FBXL17: variants seen among roughly 807,000 people sequenced by gnomAD.
FBXL17 encodes the protein F-box and leucine rich repeat protein 17, also known as F-box/LRR-repeat protein 17.
Under a neutral mutation model 66.2 loss-of-function variants are expected in FBXL17, and 22 were observed. That is an observed-to-expected ratio of 0.33 (90% CI 0.24 to 0.47). FBXL17 has a LOEUF of 0.47. Among genes scored for constraint, FBXL17 ranks in the 20% least tolerant of loss-of-function variants. FBXL17 has a pLI of 1.00. For synonymous variants in FBXL17, 474 were observed against 400.5 expected (o/e 1.18, Z -2.19); for missense variants, 878 against 948.2 (o/e 0.93, Z 0.97).
intron 4 of FBXL17, among the ~76,000 whole-genome samples, chr5:108,253,735 A>G (rs1490006343): frequency 2.0e-5 from 3 of 152,134 alleles, no homozygotes; most frequent in Non-Finnish European, 2.9e-5. Context: ...GCCTATACCT[A>G]TAATCATAGC....
intron 7 of FBXL17, among the ~76,000 whole-genome samples, chr5:107,972,363 T>G (rs1480701278): frequency 6.6e-6 from 1 of 152,238 alleles, no homozygotes; most frequent in Admixed American, 6.5e-5. Flanking sequence ...AGGGTAGAAC[T>G]GTTAGATTTC....
At chr5:108,310,654 C>G (rs1759070710) in intron 4 of FBXL17, among the ~76,000 whole-genome samples, 1 of 152,228 alleles carries the variant, frequency 6.6e-6, no homozygotes, top group East Asian at 1.9e-4. Flanking sequence ...TAACTTAGAG[C>G]TAGCTACTCA....
chr5:107,879,615 T>C, intron 8 of FBXL17: 4 of 985,450 alleles, frequency 4.1e-6, no homozygotes, highest in Non-Finnish European at 4.8e-6. Flanking sequence ...TAACAAAAAA[T>C]CACAAAGGAC....
At chr5:107,902,091 C>T (rs1170328358) in intron 7 of FBXL17, among the ~76,000 whole-genome samples, 1 of 152,102 alleles carries the variant, frequency 6.6e-6, no homozygotes, top group Non-Finnish European at 1.5e-5. Context: ...CTAAACGAAA[C>T]CAGTTTGTGA....
intron 5 of FBXL17, among the ~76,000 whole-genome samples, chr5:108,215,309 T>C (rs1033648801): frequency 6.6e-6 from 1 of 152,262 alleles, no homozygotes; most frequent in East Asian, 1.9e-4. Flanking sequence ...AGCAACTGCA[T>C]AATTTTATAT....
At chr5:108,100,881 G>C (rs1037564719) in intron 6 of FBXL17, among the ~76,000 whole-genome samples, 4 of 152,148 alleles carry the variant, frequency 2.6e-5, no homozygotes, top group African/African-American at 9.7e-5. Context: ...GAATTGAGAT[G>C]TACTGAGACA....
Position 108,009,531 on chromosome 5 carries a change from T to C in FBXL17, c.1822+11394A>G, listed in dbSNP as rs902260009. On this transcript the variant is annotated intron_variant, in intron 7 of 8. Coordinates refer to ENST00000542267, the MANE Select transcript of FBXL17 (RefSeq NM_001163315.3). ...AGAGGCACGGAGGCTGGATCAGCCA[T>C]GTCGACTCAACACAATTGTTTGAAA... Among the ~76,000 whole-genome samples the C allele has an allele frequency of 9.9e-5, 15 of 151,646 alleles. No homozygotes were observed. In the East Asian group the frequency reaches 3.0e-3, roughly 30 times the overall value.
intron 1 of FBXL17, among the ~76,000 whole-genome samples, chr5:108,372,760 G>A (rs1749128246): frequency 1.3e-5 from 2 of 152,116 alleles, no homozygotes; most frequent in Non-Finnish European, 2.9e-5. Flanking sequence ...TCCCCTAAAA[G>A]AAATACTATA....
intron 6 of FBXL17, among the ~76,000 whole-genome samples, chr5:108,115,627 GA>G (rs113934174): frequency 4.2e-4 from 58 of 138,304 alleles, no homozygotes; most frequent in East Asian, 2.7e-3. Flanking sequence ...CCATCTTTAA[GA>G]AAAAAAAAAA....
intron 7 of FBXL17, among the ~76,000 whole-genome samples, chr5:107,952,888 G>T (rs1751541315): frequency 6.6e-6 from 1 of 152,022 alleles, no homozygotes; most frequent in Non-Finnish European, 1.5e-5. Flanking sequence ...AAATAACTAG[G>T]GGGAAATCTA....
chr5:108,155,387 T>C (rs1011990237), intron 6 of FBXL17, among the ~76,000 whole-genome samples: 6 of 152,026 alleles, frequency 3.9e-5, no homozygotes, highest in Non-Finnish European at 7.4e-5. Flanking sequence ...TGGTGGCACG[T>C]GCCTGTAATC....
intron 5 of FBXL17, among the ~76,000 whole-genome samples, chr5:108,192,746 C>G (rs1010915439): frequency 3.3e-5 from 5 of 151,958 alleles, no homozygotes; most frequent in Non-Finnish European, 4.4e-5. Flanking sequence ...GAGCCGAGAT[C>G]GCACCACTGC....
intron 7 of FBXL17, among the ~76,000 whole-genome samples, chr5:107,982,467 A>C (rs893150223): frequency 5.9e-5 from 9 of 152,252 alleles, no homozygotes; most frequent in South Asian, 2.1e-4. Context: ...AACAAAAAAA[A>C]CCACATAGCA....
intron 4 of FBXL17, among the ~76,000 whole-genome samples, chr5:108,335,666 C>A (rs1273995742): frequency 6.6e-6 from 1 of 152,024 alleles, no homozygotes; most frequent in Non-Finnish European, 1.5e-5. Flanking sequence ...AAATGATTTA[C>A]CACTATTGAA....
intron 4 of FBXL17, among the ~76,000 whole-genome samples, chr5:108,283,365 C>A (rs1238872830): frequency 6.6e-6 from 1 of 151,774 alleles, no homozygotes; most frequent in Non-Finnish European, 1.5e-5. Context: ...ATCAATGGAA[C>A]AGAATACAGA....
chr5:108,133,699 A>G (rs749134219), intron 6 of FBXL17, among the ~76,000 whole-genome samples: 2 of 152,202 alleles, frequency 1.3e-5, no homozygotes, highest in Non-Finnish European at 2.9e-5. Context: ...AGGAAGAGAA[A>G]AACATAAAAA....
intron 4 of FBXL17, among the ~76,000 whole-genome samples, chr5:108,286,397 G>GC (rs1757902614): frequency 6.6e-6 from 1 of 151,916 alleles, no homozygotes; most frequent in South Asian, 2.1e-4. Flanking sequence ...AAACCCTGTA[G>GC]CATCTGCCCA....
chr5:108,053,428 C>A (rs1159712122), intron 6 of FBXL17, among the ~76,000 whole-genome samples: 2 of 151,628 alleles, frequency 1.3e-5, no homozygotes, highest in Admixed American at 1.3e-4. Context: ...ACACAGCCAA[C>A]AAACATATGA....
chr5:108,238,721 G>A (rs746800277), intron 4 of FBXL17, among the ~76,000 whole-genome samples: 21 of 151,986 alleles, frequency 1.4e-4, no homozygotes, highest in Non-Finnish European at 7.4e-5. Context: ...GTTTCACCAC[G>A]TTGCCCAGGC....
Sources: gnomAD v4.1 joint callset for allele counts (sites outside exome capture counted in the v4.1 genomes callset) on GRCh38, gnomAD v4.1.1 for gene constraint, MANE v1.5 for transcripts, NCBI Gene and HGNC (gene_info 2026-07-23, HGNC 2026-07-21) for gene names.